The following DPP10 variants were observed in gnomAD, a reference collection of about 807,000 sequenced individuals.
DPP10 encodes the protein dipeptidyl peptidase like 10, also known as inactive dipeptidyl peptidase 10.
DPP10 carries 33 observed loss-of-function variants against 120.9 expected under a neutral mutation model. The observed-to-expected ratio is 0.27, with a 90% CI of 0.21 to 0.37. DPP10 has a LOEUF of 0.37. Among genes scored for constraint, DPP10 ranks in the 10% least tolerant of loss-of-function variants. DPP10 has a pLI of 1.00. For synonymous variants in DPP10, 337 were observed against 326.1 expected (o/e 1.03, Z -0.36); for missense variants, 816 against 942.8 (o/e 0.87, Z 1.76).
At chr2:114,696,340 A>G (rs72826536) in intron 1 of DPP10, among the ~76,000 whole-genome samples, 1,883 of 152,196 alleles carry the variant, frequency 0.012, 12 homozygotes, top group Middle Eastern at 0.027. Flanking sequence ...AAAATCTTAT[A>G]CAAGTTTAAA....
intron 5 of DPP10, among the ~76,000 whole-genome samples, chr2:115,543,172 TG>T: frequency 6.6e-6 from 1 of 152,084 alleles, no homozygotes; most frequent in East Asian, 1.9e-4. Flanking sequence ...GCATCACAGT[TG>T]GGGTCCTCAG....
intron 1 of DPP10, among the ~76,000 whole-genome samples, chr2:115,095,752 T>G (rs1306951733): frequency 6.6e-6 from 1 of 152,092 alleles, no homozygotes; most frequent in Admixed American, 6.6e-5. Context: ...ATAAATTAAC[T>G]TTAGTCAATT....
intron 1 of DPP10, among the ~76,000 whole-genome samples, chr2:114,600,645 T>C (rs567584212): frequency 6.6e-6 from 1 of 151,928 alleles, no homozygotes; most frequent in Non-Finnish European, 1.5e-5. Flanking sequence ...GCAATTTTGA[T>C]ATGCCTTGGC....
At chr2:115,777,179 G>A in intron 13 of DPP10, 29 bp from the exon 14 acceptor site, 1 of 1,602,540 alleles carries the variant, frequency 6.2e-7, no homozygotes, top group Non-Finnish European at 8.5e-7. Flanking sequence ...TAAATGAAAG[G>A]AAAATCAATA....
chr2:114,874,123 G>A (rs1690945940), intron 1 of DPP10, among the ~76,000 whole-genome samples: 1 of 152,120 alleles, frequency 6.6e-6, no homozygotes, highest in Non-Finnish European at 1.5e-5. Context: ...GGAGCCAGAG[G>A]CTTCTTTCTC....
chr2:114,558,995 C>T (rs542021221), intron 1 of DPP10, among the ~76,000 whole-genome samples: 1 of 152,272 alleles, frequency 6.6e-6, no homozygotes, highest in Admixed American at 6.5e-5. Context: ...CGAGTACATC[C>T]CCATGTCCAA....
chr2:114,768,154 G>T (rs1338018193), intron 1 of DPP10, among the ~76,000 whole-genome samples: 1 of 142,706 alleles, frequency 7.0e-6, no homozygotes, highest in Non-Finnish European at 1.5e-5. Context: ...AAAGTTCTCA[G>T]AGAAAAAAAA....
intron 11 of DPP10, among the ~76,000 whole-genome samples, chr2:115,758,045 A>G (rs1679644897): frequency 6.6e-6 from 1 of 152,158 alleles, no homozygotes; most frequent in Admixed American, 6.6e-5. Context: ...AGAGTAATTT[A>G]GCAAGGAATC....
intron 2 of DPP10, among the ~76,000 whole-genome samples, chr2:115,324,474 C>T (rs559951934): frequency 3.3e-5 from 5 of 152,214 alleles, no homozygotes; most frequent in South Asian, 2.1e-4. Context: ...TTCCTTAAAC[C>T]TCATGAACCA....
At chr2:114,663,456 T>C (rs1203082404) in intron 1 of DPP10, among the ~76,000 whole-genome samples, 1 of 150,626 alleles carries the variant, frequency 6.6e-6, no homozygotes. Context: ...ATTTAGACTT[T>C]TGAAAATTAT....
intron 1 of DPP10, among the ~76,000 whole-genome samples, chr2:115,187,035 T>C (rs1333309404): frequency 1.3e-5 from 1 of 76,610 alleles, no homozygotes; most frequent in African/African-American, 7.2e-5. Context: ...TTTTTTTTTT[T>C]TTTTTTTTTT....
chr2:114,446,924 G>A (rs1677974572), intron 1 of DPP10, among the ~76,000 whole-genome samples: 1 of 152,248 alleles, frequency 6.6e-6, no homozygotes, highest in East Asian at 1.9e-4. Context: ...GAACATGGTG[G>A]TTAGGAAATA....
intron 1 of DPP10, among the ~76,000 whole-genome samples, chr2:115,013,114 T>C (rs930080150): frequency 3.9e-5 from 6 of 152,170 alleles, no homozygotes; most frequent in Non-Finnish European, 7.4e-5. Context: ...AGTTGGTATG[T>C]TTTTACAGTG....
chr2:114,909,894 G>T (rs947175384), intron 1 of DPP10, among the ~76,000 whole-genome samples: 4 of 151,730 alleles, frequency 2.6e-5, no homozygotes, highest in Admixed American at 2.0e-4. Flanking sequence ...AAAATAAGCC[G>T]CTATAAGCAA....
At chr2:115,780,776 T>G in intron 15 of DPP10, 98 bp from the exon 16 acceptor site, 1 of 1,172,514 alleles carries the variant, frequency 8.5e-7, no homozygotes, top group Non-Finnish European at 1.2e-6. Context: ...AGCACCGATG[T>G]AACTCCCTTG....
chr2:114,892,341 G>C lies in DPP10; in HGVS notation c.61-416898G>C, dbSNP rs188587919. On this transcript the variant is annotated intron_variant, in intron 1 of 25. Coordinates refer to ENST00000410059, the MANE Select transcript of DPP10 (RefSeq NM_020868.6). Reference sequence around the variant, plus strand: ...CCTCCTGGGTCCTCACACCCACTCTGTGTACCCAGTTAGATTTCATATGCC... The same window carrying C: ...CCTCCTGGGTCCTCACACCCACTCTCTGTACCCAGTTAGATTTCATATGCC... Among the ~76,000 whole-genome samples the C allele has an allele frequency of 1.4e-4, 21 of 152,244 alleles. No individual in the cohort carries two copies. The East Asian group carries it at 3.7e-3, about 27-fold the overall frequency.
At chr2:115,488,904 G>C (rs943081225) in intron 3 of DPP10, among the ~76,000 whole-genome samples, 1 of 135,838 alleles carries the variant, frequency 7.4e-6, no homozygotes, top group Non-Finnish European at 1.6e-5. Context: ...AAAAAAATAT[G>C]TATCTCTCAT....
At chr2:115,106,554 A>T (rs2048952828) in intron 1 of DPP10, among the ~76,000 whole-genome samples, 1 of 152,136 alleles carries the variant, frequency 6.6e-6, no homozygotes. Flanking sequence ...TCAATTTCCC[A>T]GGCTCAAGCG....
chr2:115,841,259 T>C (rs2150138125), intron 25 of DPP10, among the ~76,000 whole-genome samples: 1 of 152,112 alleles, frequency 6.6e-6, no homozygotes, highest in Non-Finnish European at 1.5e-5. Flanking sequence ...TAATAAATAG[T>C]GGATAAAAAA....
Sources: gnomAD v4.1 joint callset for allele counts (sites outside exome capture counted in the v4.1 genomes callset) on GRCh38, gnomAD v4.1.1 for gene constraint, MANE v1.5 for transcripts, NCBI Gene and HGNC (gene_info 2026-07-23, HGNC 2026-07-21) for gene names.